Variants in KCNMA1 observed in about 807,000 individuals in gnomAD.
KCNMA1 encodes the protein potassium calcium-activated channel subfamily M alpha 1.
In KCNMA1, 29 loss-of-function variants were observed where a neutral mutation model predicts 140.0. The observed-to-expected ratio is 0.21, with a 90% CI of 0.15 to 0.28. The LOEUF (loss-of-function observed/expected upper bound fraction) is 0.28. KCNMA1 is among the 10% of genes least tolerant of loss of function. KCNMA1 has a pLI of 1.00. For missense variants in KCNMA1, 880 were observed against 1,602.2 expected (o/e 0.55, Z 7.70); for synonymous variants, 612 against 611.9 (o/e 1.00, Z 0.00).
chr10:77,579,846 T>G (rs975584829), intron 1 of KCNMA1, among the ~76,000 whole-genome samples: 3 of 152,118 alleles, frequency 2.0e-5, no homozygotes, highest in Non-Finnish European at 4.4e-5. Flanking sequence ...GAAAGTGATT[T>G]CCATCTGACC....
At chr10:77,138,756 C>T (rs181980474) in intron 5 of KCNMA1, among the ~76,000 whole-genome samples, 83 of 152,308 alleles carry the variant, frequency 5.4e-4, no homozygotes, top group African/African-American at 1.9e-3. Flanking sequence ...CATGTCCTCA[C>T]GCCCTGCACA....
chr10:77,162,610 A>AT (rs1166454383), intron 5 of KCNMA1, among the ~76,000 whole-genome samples: 1 of 152,108 alleles, frequency 6.6e-6, no homozygotes, highest in Non-Finnish European at 1.5e-5. Flanking sequence ...AGGAGCTGGA[A>AT]TTTTTTTTAA....
intron 1 of KCNMA1, among the ~76,000 whole-genome samples, chr10:77,556,526 A>AG (rs1379530248): frequency 1.3e-5 from 2 of 150,112 alleles, no homozygotes; most frequent in Non-Finnish European, 1.5e-5. Context: ...AAAAAAAAAA[A>AG]GGGAATTCTA....
At chr10:76,931,402 G>GT (rs2059237434) in intron 23 of KCNMA1, among the ~76,000 whole-genome samples, 1 of 151,878 alleles carries the variant, frequency 6.6e-6, no homozygotes, top group Non-Finnish European at 1.5e-5. Context: ...TAGGAGGAGG[G>GT]TCACAGAGAA....
intron 1 of KCNMA1, among the ~76,000 whole-genome samples, chr10:77,618,590 T>A (rs2090361779): frequency 6.6e-6 from 1 of 152,148 alleles, no homozygotes; most frequent in Non-Finnish European, 1.5e-5. Context: ...AGCTACTGGT[T>A]CTTCAGGAGA....
In KCNMA1 at chr10:77,287,805, G is replaced by T. The variant is rs75616736; in HGVS notation, c.541-36549C>A. On this transcript the variant is annotated intron_variant, in intron 2 of 27. Coordinates refer to ENST00000286628, the MANE Select transcript of KCNMA1 (RefSeq NM_001161352.2). The stretch of plus-strand genomic sequence containing the variant: ...AACTCAAAGGGCTGACAAGTCCCTG[G>T]ATCACTCAGCAGGCAGGCAGCAAAC... Among the ~76,000 whole-genome samples, 11 of 152,306 alleles carry T rather than the reference G, an allele frequency of 7.2e-5. No individual in the cohort carries two copies. In the East Asian group the frequency reaches 2.1e-3, roughly 29 times the overall value.
At chr10:77,068,939 T>C (rs1221135441) in intron 14 of KCNMA1, among the ~76,000 whole-genome samples, 1 of 149,102 alleles carries the variant, frequency 6.7e-6, no homozygotes, top group East Asian at 2.1e-4. Flanking sequence ...CTAGTAAGAA[T>C]GATAGCACAA....
intron 18 of KCNMA1, among the ~76,000 whole-genome samples, chr10:77,010,132 T>C (rs1056902662): frequency 1.7e-4 from 26 of 152,118 alleles, no homozygotes; most frequent in African/African-American, 6.0e-4. Flanking sequence ...CTGTCAGGGG[T>C]TATTGGCCTC....
intron 14 of KCNMA1, among the ~76,000 whole-genome samples, chr10:77,067,782 G>A (rs1228593574): frequency 1.3e-5 from 2 of 152,196 alleles, no homozygotes; most frequent in African/African-American, 4.8e-5. Context: ...TAAAGAAGAT[G>A]CACAGAATGG....
chr10:77,372,301 C>T (rs1250459864), intron 2 of KCNMA1, among the ~76,000 whole-genome samples: 2 of 152,180 alleles, frequency 1.3e-5, no homozygotes, highest in Non-Finnish European at 2.9e-5. Context: ...CCCATCGCTG[C>T]CACTCCCCAG....
chr10:77,004,821 A>G (rs529542483), intron 18 of KCNMA1, among the ~76,000 whole-genome samples: 19 of 152,186 alleles, frequency 1.2e-4, no homozygotes, highest in Admixed American at 3.3e-4. Context: ...TTTTGTTTCC[A>G]TTTCTCAGTG....
At chr10:77,280,071 A>C (rs1328790747) in intron 2 of KCNMA1, among the ~76,000 whole-genome samples, 1 of 152,214 alleles carries the variant, frequency 6.6e-6, no homozygotes, top group Non-Finnish European at 1.5e-5. Context: ...GAAAACTTCC[A>C]GATCCTTCCT....
chr10:77,096,810 T>G (rs1162457693), intron 9 of KCNMA1, among the ~76,000 whole-genome samples: 1 of 152,186 alleles, frequency 6.6e-6, no homozygotes, highest in African/African-American at 2.4e-5. Context: ...AATATTTATA[T>G]CAAATACATA....
chr10:77,485,596 G>C (rs1358851867), intron 1 of KCNMA1, among the ~76,000 whole-genome samples: 1 of 152,170 alleles, frequency 6.6e-6, no homozygotes, highest in Non-Finnish European at 1.5e-5. Flanking sequence ...TTGACTGTGG[G>C]GGTCTTTTCT....
intron 3 of KCNMA1, among the ~76,000 whole-genome samples, chr10:77,217,970 G>C (rs939504472): frequency 6.6e-6 from 1 of 152,116 alleles, no homozygotes; most frequent in African/African-American, 2.4e-5. Context: ...ATTTATAATA[G>C]CCATTTCCAT....
intron 2 of KCNMA1, among the ~76,000 whole-genome samples, chr10:77,299,157 G>GA (rs2075967514): frequency 6.6e-6 from 1 of 152,142 alleles, no homozygotes; most frequent in Admixed American, 6.5e-5. Flanking sequence ...TTTGGCATGT[G>GA]ATAAAGATGG....
chr10:77,608,366 G>A (rs1171713202), intron 1 of KCNMA1, among the ~76,000 whole-genome samples: 3 of 152,100 alleles, frequency 2.0e-5, no homozygotes, highest in African/African-American at 7.2e-5. Flanking sequence ...TAGAGATGGA[G>A]TTTTGCCATG....
At chr10:77,118,975 C>A (rs1411351968) in intron 6 of KCNMA1, among the ~76,000 whole-genome samples, 1 of 152,224 alleles carries the variant, frequency 6.6e-6, no homozygotes, top group African/African-American at 2.4e-5. Context: ...CCTCTAACAA[C>A]AAGAGTTTCA....
intron 1 of KCNMA1, chr10:77,634,323 A>G (rs1269205287): frequency 4.1e-6 from 4 of 985,322 alleles, no homozygotes; most frequent in African/African-American, 1.7e-5. Context: ...AGGAAATTGT[A>G]ATGTTTTCTT....
Sources: allele counts gnomAD v4.1 joint callset (sites outside exome capture counted in the v4.1 genomes callset), GRCh38; gene constraint gnomAD v4.1.1; transcripts MANE v1.5; gene names NCBI Gene and HGNC (gene_info 2026-07-23, HGNC 2026-07-21).